The following LIN54 variants were observed in gnomAD, a reference collection of about 807,000 sequenced individuals.
The protein encoded by LIN54 is protein lin-54 homolog.
In LIN54, 9 loss-of-function variants were observed where a neutral mutation model predicts 78.7. That is an observed-to-expected ratio of 0.11 (90% CI 0.07 to 0.20). The LOEUF is 0.20. Among genes scored for constraint, LIN54 ranks in the 10% least tolerant of loss-of-function variants. LIN54 has a pLI of 1.00. For synonymous variants in LIN54, 269 were observed against 318.4 expected (o/e 0.84, Z 1.65); for missense variants, 573 against 889.9 (o/e 0.64, Z 4.53).
intron 4 of LIN54, among the ~76,000 whole-genome samples, chr4:82,947,171 GA>G (rs1418907169): frequency 1.4e-5 from 2 of 141,384 alleles, no homozygotes. Context: ...TTTGTCTAGG[GA>G]AACTAGTTTT....
chr4:82,986,702 C>CAAAAA (rs70943178), intron 1 of LIN54, among the ~76,000 whole-genome samples: 9 of 68,708 alleles, frequency 1.3e-4, no homozygotes, highest in Admixed American at 5.5e-4. Context: ...GACCCCATCT[C>CAAAAA]AAAAAAAAAA....
At chr4:83,006,775 T>C (rs1729417525) in intron 1 of LIN54, among the ~76,000 whole-genome samples, 1 of 152,216 alleles carries the variant, frequency 6.6e-6, no homozygotes. Flanking sequence ...TTACTTTCCA[T>C]AAAGTCTTTG....
chr4:82,959,105 A>C (rs1382318657), intron 4 of LIN54, among the ~76,000 whole-genome samples: 2 of 152,150 alleles, frequency 1.3e-5, no homozygotes, highest in African/African-American at 2.4e-5. Flanking sequence ...TTCATCTAAA[A>C]ATTTTATCTT....
At chr4:83,001,579 C>A (rs925340433) in intron 1 of LIN54, among the ~76,000 whole-genome samples, 2 of 151,464 alleles carry the variant, frequency 1.3e-5, no homozygotes, top group Admixed American at 1.3e-4. Flanking sequence ...GGCGCAGTGG[C>A]TCACGCCTGT....
chr4:82,939,325 T>C (rs1722645988), intron 7 of LIN54, among the ~76,000 whole-genome samples: 1 of 152,212 alleles, frequency 6.6e-6, no homozygotes, highest in African/African-American at 2.4e-5. Flanking sequence ...CAGCTCCAAA[T>C]TGTCTGACTT....
chr4:82,935,054 T>C (rs1578487754), intron 11 of LIN54, among the ~76,000 whole-genome samples: 2 of 151,902 alleles, frequency 1.3e-5, no homozygotes, highest in South Asian at 4.2e-4. Flanking sequence ...ACAGTGAAAA[T>C]GGAGACAATT....
At chr4:82,982,096 TATTGTC>T (rs1726716860) in intron 2 of LIN54, among the ~76,000 whole-genome samples, 2 of 152,150 alleles carry the variant, frequency 1.3e-5, no homozygotes, top group Admixed American at 1.3e-4. Flanking sequence ...GTCTTTTTTT[TATTGTC>T]ATTACTTAGG....
intron 1 of LIN54, among the ~76,000 whole-genome samples, chr4:82,996,882 GA>G (rs374221712): frequency 5.6e-4 from 83 of 148,446 alleles, no homozygotes; most frequent in Admixed American, 1.3e-3. Flanking sequence ...ATGTATTAGG[GA>G]AAAAAAAAAG....
chr4:82,991,733 G>A (rs537237657), intron 1 of LIN54, among the ~76,000 whole-genome samples: 1 of 152,004 alleles, frequency 6.6e-6, no homozygotes, highest in Non-Finnish European at 1.5e-5. Flanking sequence ...TGCTTTTTCT[G>A]CAACTAGTGA....
chr4:83,008,856 A>G lies in LIN54; in HGVS notation c.-33+1628T>C, dbSNP rs1179087084. On this transcript the variant is annotated intron_variant, in intron 1 of 12. Coordinates refer to ENST00000340417, the MANE Select transcript of LIN54 (RefSeq NM_194282.4). ...TTAAAGACAATCACAAAGAATCACA[A>G]AGAGACAATAGCCCTCTGTGATTAA... 2.6e-5 allele frequency among the ~76,000 whole-genome samples: 4 copies of G among 152,186 alleles called. No homozygotes were observed. The East Asian group carries it at 7.7e-4, about 29-fold the overall frequency.
chr4:82,970,250 A>G, intron 4 of LIN54, 77 bp downstream of exon 4: 1 of 1,314,426 alleles, frequency 7.6e-7, no homozygotes, highest in East Asian at 2.3e-5. Context: ...CTAAAATTGA[A>G]GTATCTGAAG....
intron 3 of LIN54, among the ~76,000 whole-genome samples, chr4:82,978,554 G>A (rs993553769): frequency 2.6e-5 from 4 of 152,164 alleles, no homozygotes; most frequent in African/African-American, 9.7e-5. Flanking sequence ...TCATAGGATT[G>A]CTGGGGAATG....
chr4:82,972,948 T>TTAAA (rs1553953865), intron 3 of LIN54, among the ~76,000 whole-genome samples: 966 of 59,322 alleles, frequency 0.016, 4 homozygotes, highest in Middle Eastern at 0.045. Flanking sequence ...AGAATCCCTC[T>TTAAA]AAAAAAAAAA....
chr4:82,978,802 C>T (rs1726381821), intron 3 of LIN54, 81 bp downstream of exon 3: 13 of 869,416 alleles, frequency 1.5e-5, no homozygotes, highest in Non-Finnish European at 1.2e-5. Context: ...TACACTAAAA[C>T]ATTTTAAGTT....
intron 4 of LIN54, among the ~76,000 whole-genome samples, chr4:82,950,466 A>G (rs1485442826): frequency 6.6e-6 from 1 of 152,252 alleles, no homozygotes. Flanking sequence ...GAGAGAATTC[A>G]CAAATTGGCC....
chr4:83,005,101 G>GGGCA (rs568770682), intron 1 of LIN54, among the ~76,000 whole-genome samples: 3,154 of 152,128 alleles, frequency 0.021, 43 homozygotes, highest in Non-Finnish European at 0.033. Flanking sequence ...TTGCCATGTT[G>GGGCA]GGCAGGCTGG....
intron 2 of LIN54, among the ~76,000 whole-genome samples, chr4:82,979,730 G>T (rs1050862905): frequency 6.6e-6 from 1 of 151,920 alleles, no homozygotes; most frequent in Non-Finnish European, 1.5e-5. Flanking sequence ...TTGAGGTCAG[G>T]AGTTCAAGAC....
intron 1 of LIN54, among the ~76,000 whole-genome samples, chr4:82,987,214 C>T (rs1043705630): frequency 6.6e-6 from 1 of 152,178 alleles, no homozygotes; most frequent in African/African-American, 2.4e-5. Context: ...TCGCTTGAAG[C>T]CGGGAGGCGG....
chr4:82,968,790 T>C (rs1329571677), intron 4 of LIN54, among the ~76,000 whole-genome samples: 2 of 152,018 alleles, frequency 1.3e-5, no homozygotes, highest in Non-Finnish European at 2.9e-5. Flanking sequence ...CCAAACTATC[T>C]CTCATAATGC....
Sources: gnomAD v4.1 joint callset for allele counts (sites outside exome capture counted in the v4.1 genomes callset) on GRCh38, gnomAD v4.1.1 for gene constraint, MANE v1.5 for transcripts, NCBI Gene and HGNC (gene_info 2026-07-23, HGNC 2026-07-21) for gene names.